Variants in RP1 observed in about 807,000 individuals in gnomAD.
RP1 encodes RP1 axonemal microtubule associated.
Under a neutral mutation model 14.8 loss-of-function variants are expected in RP1, and 16 were observed. That is an observed-to-expected ratio of 1.08 (90% CI 0.73 to 1.65). The LOEUF (loss-of-function observed/expected upper bound fraction) is 1.65. RP1 is among the 40% of genes most tolerant of loss of function. The pLI is 0.00. For synonymous variants in RP1, 876 were observed against 883.6 expected (o/e 0.99, Z 0.15); for missense variants, 2,631 against 2,535.0 (o/e 1.04, Z -0.81).
rs754467203 is a variant in RP1, at chr8:54,629,063, T to C, written c.5181T>C (p.Asp1727=). ...TAGAACCTGGTACAAAACAAAATGA[T>C]GATAGCAGAATCCTCACAGACATAG... is the stretch of plus-strand genomic sequence containing the variant. The part of the protein sequence containing the change: ...DIVEPGTKQN[D]DSRILTDIEE... The change falls in exon 4 of 4, where the codon GAT becomes GAC. Residue 1727 remains aspartate (D), a synonymous_variant. Transcript: ENST00000220676. 3 of 1,614,060 alleles carry C rather than the reference T, an allele frequency of 1.9e-6. No individual in the cohort carries two copies. The highest frequency in any genetic ancestry group is 2.5e-6 in the Non-Finnish European group (3 of 1,179,942).
intron 15 of RP1, among the ~76,000 whole-genome samples, chr8:54,716,681 T>C (rs918656735): frequency 2.0e-5 from 3 of 152,172 alleles, no homozygotes; most frequent in Non-Finnish European, 4.4e-5. Flanking sequence ...CTCTCAATAA[T>C]TGAGTCTGCC....
chr8:54,851,303 A>T (rs1164703786), intron 25 of RP1, among the ~76,000 whole-genome samples: 1 of 152,140 alleles, frequency 6.6e-6, no homozygotes, highest in Non-Finnish European at 1.5e-5. Context: ...ATACTTTCAA[A>T]CACCTTTAAC....
At chr8:54,838,857 AAG>A (rs1811728048) in intron 25 of RP1, among the ~76,000 whole-genome samples, 1 of 152,202 alleles carries the variant, frequency 6.6e-6, no homozygotes, top group Non-Finnish European at 1.5e-5. Flanking sequence ...TGTGTCATGC[AAG>A]CTACTTAGCC....
chr8:54,787,708 T>G (rs542703753), intron 24 of RP1, among the ~76,000 whole-genome samples: 2 of 152,210 alleles, frequency 1.3e-5, no homozygotes, highest in Non-Finnish European at 2.9e-5. Context: ...AGTCAATTAA[T>G]TTTGTAGATG....
intron 8 of RP1, among the ~76,000 whole-genome samples, chr8:54,676,092 G>T (rs1807289743): frequency 6.6e-6 from 1 of 151,932 alleles, no homozygotes; most frequent in Non-Finnish European, 1.5e-5. Flanking sequence ...CATCCTAAAC[G>T]CTCCATCTCT....
At chr8:54,633,232 C>A (rs997592368), downstream of RP1, among the ~76,000 whole-genome samples, 1 of 151,990 alleles carries the variant, frequency 6.6e-6, no homozygotes, top group African/African-American at 2.4e-5. Flanking sequence ...AGCAGAAGTT[C>A]AAAAGTAGAG....
At chr8:54,790,630 G>A (rs1448439493) in intron 24 of RP1, among the ~76,000 whole-genome samples, 5 of 149,114 alleles carry the variant, frequency 3.4e-5, no homozygotes, top group Admixed American at 3.3e-4. Flanking sequence ...AACTATTATA[G>A]AAGTTCAACA....
rs116380906 is a variant in RP1 at position 54,711,673 on chromosome 8, A to G, written c.2211+5018A>G. ...GCAGGTCTTCACCTAAAACTGACCC[A>G]TGTAAATGATCTTATGACTCCTTTT... On this transcript the variant is annotated intron_variant, in intron 15 of 22. Coordinates refer to the RP1 transcript ENST00000636932. Among the ~76,000 whole-genome samples the G allele has an allele frequency of 2.0e-3, 304 of 152,366 alleles. 2 individuals carry two copies. Among genetic ancestry groups the G allele is most frequent in the African/African-American group, 7.1e-3 (294 of 41,590 alleles).
chr8:54,706,432 T>C, intron 14 of RP1: 1 of 1,535,566 alleles, frequency 6.5e-7, no homozygotes, highest in Non-Finnish European at 8.7e-7. Flanking sequence ...GTTCTGTTTG[T>C]TGCTCTGAAG....
At chr8:54,706,704 A>G (rs1237584622) in intron 15 of RP1, 59 of 1,515,634 alleles carry the variant, frequency 3.9e-5, no homozygotes, top group Middle Eastern at 1.7e-4. Context: ...GACATTTGCC[A>G]GTTGTAGACA....
intron 12 of RP1, among the ~76,000 whole-genome samples, chr8:54,680,251 CA>C (rs1807396074): frequency 2.0e-5 from 3 of 152,056 alleles, no homozygotes; most frequent in Admixed American, 2.0e-4. Flanking sequence ...ATATTTCAGA[CA>C]TTCATAATCT....
At chr8:54,674,691 G>T (rs1004741497) in intron 8 of RP1, among the ~76,000 whole-genome samples, 1 of 151,650 alleles carries the variant, frequency 6.6e-6, no homozygotes, top group Non-Finnish European at 1.5e-5. Flanking sequence ...CTGGTTGAAA[G>T]GAGGTTACAA....
chr8:54,686,463 T>C (rs1434825895), intron 12 of RP1, among the ~76,000 whole-genome samples: 2 of 151,998 alleles, frequency 1.3e-5, no homozygotes, highest in African/African-American at 4.8e-5. Flanking sequence ...GTTTTTTCCA[T>C]ACTTAGAGAG....
At chr8:54,812,840 T>A (rs1811043449) in intron 24 of RP1, among the ~76,000 whole-genome samples, 1 of 152,040 alleles carries the variant, frequency 6.6e-6, no homozygotes, top group East Asian at 1.9e-4. Context: ...TCTATTGAAT[T>A]AAAAAGTAAA....
chr8:54,560,050 C>A (rs1804249978), intron 1 of RP1, among the ~76,000 whole-genome samples: 1 of 152,144 alleles, frequency 6.6e-6, no homozygotes, highest in African/African-American at 2.4e-5. Flanking sequence ...TTGCAGCCGG[C>A]AGAATGTAGC....
rs776027191 is a variant in RP1, at chr8:54,621,583, T to A, written c.615+2T>A. The A allele has an allele frequency of 1.9e-6, 3 of 1,613,844 alleles. No homozygotes were observed. Among genetic ancestry groups the A allele is most frequent in the Non-Finnish European group, 2.5e-6 (3 of 1,179,996 alleles). On this transcript the variant is annotated splice_donor_variant, in intron 2 of 3. Coordinates refer to ENST00000220676, the MANE Select transcript of RP1 (RefSeq NM_006269.2). LOFTEE classifies it high-confidence loss of function. ...CTGTACGCTACGGACGGAAGGAGGG[T>A]GAGCGTTCTGGGGGCTCCTCGAGCC...
chr8:54,781,114 T>G (rs2129379753), intron 23 of RP1: 1 of 817,138 alleles, frequency 1.2e-6, no homozygotes, highest in South Asian at 5.6e-5. Flanking sequence ...TACAGTAGGG[T>G]TTATTTAAAT....
At chr8:54,852,461 C>G (rs1812079054) in intron 25 of RP1, 1 of 699,528 alleles carries the variant, frequency 1.4e-6, no homozygotes, top group Non-Finnish European at 2.0e-6. Context: ...GAGTTGGGGC[C>G]AAGTATCATC....
At chr8:54,618,873 CTGGTCT>C (rs1805789897) in intron 1 of RP1, among the ~76,000 whole-genome samples, 1 of 152,154 alleles carries the variant, frequency 6.6e-6, no homozygotes, top group Non-Finnish European at 1.5e-5. Flanking sequence ...GTTGGCCAGG[CTGGTCT>C]TGAACTCCTA....
Sources: allele counts gnomAD v4.1 joint callset (sites outside exome capture counted in the v4.1 genomes callset), GRCh38; gene constraint gnomAD v4.1.1; transcripts MANE v1.5; gene names NCBI Gene and HGNC (gene_info 2026-07-23, HGNC 2026-07-21).